DDX6: variants seen among roughly 807,000 people sequenced by gnomAD.
DDX6 encodes the protein DEAD-box helicase 6.
DDX6 carries 7 observed loss-of-function variants against 60.6 expected under a neutral mutation model. That is an observed-to-expected ratio of 0.12 (90% CI 0.07 to 0.22). DDX6 has a LOEUF of 0.22. Ranked by LOEUF, DDX6 falls within the 10% of genes least tolerant of loss-of-function variation. The probability of loss-of-function intolerance (pLI) is 1.00; values close to 1 mark genes in which losing one functional copy is unlikely to be tolerated. For missense variants in DDX6, 270 were observed against 589.9 expected, an observed-to-expected ratio of 0.46 and a Z score of 5.62; for synonymous variants, 207 against 201.0, an observed-to-expected ratio of 1.03 and a Z score of -0.25.
intron 1 of DDX6, chr11:118,789,416 G>C (rs752639525): frequency 6.6e-6 from 1 of 152,040 alleles, no homozygotes; most frequent in African/African-American, 2.4e-5. Context: ...ACTAGCTTAC[G>C]AGTGCTGATT....
chr11:118,769,055 G>A (rs1555161883), intron 4 of DDX6, among the ~76,000 whole-genome samples: 1 of 146,604 alleles, frequency 6.8e-6, no homozygotes, highest in Admixed American at 7.0e-5. Context: ...ATTATGGGAG[G>A]CCAAAGCAAA....
chr11:118,791,316 G>A (rs1388983748), upstream of DDX6: 1 of 152,094 alleles, frequency 6.6e-6, no homozygotes, highest in Non-Finnish European at 1.5e-5. Flanking sequence ...CTGCCTTCCT[G>A]GCCTGGTGGT....
At chr11:118,758,992 C>T in intron 8 of DDX6, 90 bp from the exon 9 acceptor site, 2 of 1,507,684 alleles carry the variant, frequency 1.3e-6, no homozygotes, top group Non-Finnish European at 1.8e-6. Context: ...ACGTTTCTGT[C>T]CGATAAACTC....
intron 1 of DDX6, chr11:118,787,279 G>A (rs1434700484): frequency 1.3e-5 from 2 of 152,192 alleles, no homozygotes; most frequent in Non-Finnish European, 2.9e-5. Flanking sequence ...GGATCAGCCT[G>A]GCCAAGATGG....
chr11:118,790,176 G>C (rs982428540), intron 1 of DDX6: 1 of 152,158 alleles, frequency 6.6e-6, no homozygotes, highest in Non-Finnish European at 1.5e-5. Flanking sequence ...AAAGGAGAGA[G>C]ATACGGGAAA....
intron 4 of DDX6, among the ~76,000 whole-genome samples, chr11:118,777,589 T>C (rs1555163840): frequency 1.3e-5 from 2 of 152,040 alleles, no homozygotes; most frequent in Non-Finnish European, 1.5e-5. Context: ...CATCATGATA[T>C]GTCAAAAAGC....
intron 1 of DDX6, chr11:118,788,598 A>C (rs1009055520): frequency 6.6e-6 from 1 of 152,160 alleles, no homozygotes; most frequent in East Asian, 1.9e-4. Flanking sequence ...GGGTTTCGAC[A>C]TGTTGGCCAG....
intron 4 of DDX6, 103 bp downstream of exon 4, chr11:118,779,527 TGA>T (rs1861817990): frequency 1.2e-5 from 8 of 694,716 alleles, no homozygotes; most frequent in East Asian, 2.9e-5. Context: ...TGTGTATACG[TGA>T]GAGAGAAATG....
At chr11:118,780,998 G>A (rs144461514) in intron 3 of DDX6, 123 bp downstream of exon 3, 4 of 620,760 alleles carry the variant, frequency 6.4e-6, no homozygotes, top group Middle Eastern at 2.6e-4. Flanking sequence ...TTACTGGGTT[G>A]GAGGAGGAGG....
At chr11:118,764,174 T>C (rs1861271159) in intron 6 of DDX6, among the ~76,000 whole-genome samples, 1 of 152,188 alleles carries the variant, frequency 6.6e-6, no homozygotes, top group Non-Finnish European at 1.5e-5. Context: ...TAAAAACCTA[T>C]GCAATACAAA....
At chr11:118,763,495 C>T (rs1861243289) in intron 6 of DDX6, among the ~76,000 whole-genome samples, 189 bp from the exon 7 acceptor site, 2 of 69,730 alleles carry the variant, frequency 2.9e-5, no homozygotes, top group East Asian at 4.1e-4. Context: ...TACGTGCAGC[C>T]GTCACTGACC....
intron 8 of DDX6, 51 bp from the exon 9 acceptor site, chr11:118,758,953 G>T: frequency 1.2e-6 from 2 of 1,606,358 alleles, no homozygotes; most frequent in Admixed American, 3.4e-5. Context: ...TGAAAGCAGA[G>T]TTCATCTCAA....
intron 6 of DDX6, among the ~76,000 whole-genome samples, chr11:118,764,072 G>T (rs1337124476): frequency 6.6e-6 from 1 of 152,086 alleles, no homozygotes; most frequent in Non-Finnish European, 1.5e-5. Context: ...ATTAATAGCA[G>T]AAGGCACACC....
chr11:118,778,000 G>A (rs1217043488), intron 4 of DDX6, among the ~76,000 whole-genome samples: 1 of 149,644 alleles, frequency 6.7e-6, no homozygotes, highest in Non-Finnish European at 1.5e-5. Context: ...GCCAGATCTA[G>A]GCTATTTTTA....
At chr11:118,763,437 G>A (rs1052514174) in intron 6 of DDX6, 131 bp from the exon 7 acceptor site, 5 of 712,480 alleles carry the variant, frequency 7.0e-6, no homozygotes, top group Admixed American at 4.6e-5. Flanking sequence ...TGATGGTATA[G>A]CCTACTCCAT....
rs764580088 is a variant in DDX6, at chr11:118,786,289, T to C, written c.-38A>G. ...GCAAAGGTCTTTCAAACTTCAAAAC[T>C]TTTGAAAGTCAGTAGAGAAACTGTA... On this transcript the variant is annotated 5_prime_UTR_variant, in exon 2 of 14. Transcript: ENST00000534980. The C allele has an allele frequency of 6.4e-7, 1 of 1,551,006 alleles. No homozygotes were observed. Among genetic ancestry groups the C allele is most frequent in the Non-Finnish European group, 8.8e-7 (1 of 1,142,392 alleles).
chr11:118,788,925 C>T (rs1591932356), intron 1 of DDX6: 1 of 152,286 alleles, frequency 6.6e-6, no homozygotes, highest in South Asian at 2.1e-4. Context: ...AAATGATCTG[C>T]CCGCCTTAGC....
chr11:118,755,520 T>A lies in DDX6; in HGVS notation c.1175-17A>T. ...TAAACAGATCTTAAAAAAAAAAAGA[T>A]AATTTTCATTTTTTCAATTTAGAAA... On this transcript the variant is annotated splice_polypyrimidine_tract_variant and intron_variant, in intron 11 of 13. Coordinates refer to ENST00000534980, the MANE Select transcript of DDX6 (RefSeq NM_004397.6). The A allele has an allele frequency of 2.9e-6, 4 of 1,367,704 alleles. No homozygotes were observed. The highest frequency in any genetic ancestry group is 1.4e-5 in the African/African-American group (1 of 69,820). 84.7% of individuals were successfully genotyped at this position (1,367,704 alleles called of 1,614,324 possible). A position where few individuals can be genotyped will look rare whatever the true frequency, so the allele number is the denominator to read the frequency against.
chr11:118,783,291 CTTT>C (rs772855512), intron 2 of DDX6, among the ~76,000 whole-genome samples: 12 of 152,070 alleles, frequency 7.9e-5, no homozygotes, highest in Non-Finnish European at 7.4e-5. Flanking sequence ...TTTTTTATTT[CTTT>C]GAGATGGGGT....
Sources: allele counts gnomAD v4.1 joint callset (sites outside exome capture counted in the v4.1 genomes callset), GRCh38; gene constraint gnomAD v4.1.1; transcripts MANE v1.5; gene names NCBI Gene and HGNC (gene_info 2026-07-23, HGNC 2026-07-21).